Variants in PEX7 observed in about 807,000 individuals in gnomAD.
The protein encoded by PEX7 is PTS2 receptor.
In PEX7, 34 loss-of-function variants were observed where a neutral mutation model predicts 47.5. The observed-to-expected ratio is 0.72, with a 90% CI of 0.54 to 0.95. PEX7 has a LOEUF of 0.95. Among genes scored for constraint, PEX7 ranks in the 40% least tolerant of loss-of-function variants. PEX7 has a pLI of 0.00. For missense variants in PEX7, 394 were observed against 400.3 expected (o/e 0.98, Z 0.13); for synonymous variants, 141 against 148.8 (o/e 0.95, Z 0.38).
chr6:136,868,995 A>C (rs184094888), intron 6 of PEX7, among the ~76,000 whole-genome samples: 45 of 152,324 alleles, frequency 3.0e-4, no homozygotes, highest in Middle Eastern at 3.4e-3. Flanking sequence ...ACATGGAAAA[A>C]TTTAATTCAT....
At chr6:136,827,047 A>C (rs888702654) in intron 3 of PEX7, among the ~76,000 whole-genome samples, 3 of 152,214 alleles carry the variant, frequency 2.0e-5, no homozygotes, top group Non-Finnish European at 2.9e-5. Context: ...GAACATAAAG[A>C]CATCCTCTTT....
intron 5 of PEX7, among the ~76,000 whole-genome samples, chr6:136,862,264 G>C (rs1774981024): frequency 6.9e-6 from 1 of 144,274 alleles, no homozygotes; most frequent in Non-Finnish European, 1.5e-5. Flanking sequence ...TTTTAGTAGA[G>C]ACAGGGTTTT....
At chr6:136,831,689 C>G (rs958894275) in intron 3 of PEX7, among the ~76,000 whole-genome samples, 4 of 152,236 alleles carry the variant, frequency 2.6e-5, no homozygotes, top group Non-Finnish European at 5.9e-5. Context: ...CTAAATGTTT[C>G]AAATGGGAGA....
intron 9 of PEX7, among the ~76,000 whole-genome samples, chr6:136,905,754 A>G (rs1450416713): frequency 3.3e-5 from 5 of 152,162 alleles, no homozygotes; most frequent in Non-Finnish European, 1.5e-5. Context: ...ATTCTATGCT[A>G]GTGATACTTG....
At chr6:136,902,826 A>G (rs563154107) in intron 9 of PEX7, among the ~76,000 whole-genome samples, 1 of 152,270 alleles carries the variant, frequency 6.6e-6, no homozygotes, top group South Asian at 2.1e-4. Context: ...AGCTGGATAC[A>G]AGTTTACATA....
At chr6:136,838,598 G>A (rs765277620) in intron 3 of PEX7, among the ~76,000 whole-genome samples, 3 of 152,222 alleles carry the variant, frequency 2.0e-5, no homozygotes, top group Non-Finnish European at 4.4e-5. Flanking sequence ...TAAGGACTGA[G>A]TGTTAAATGA....
At chr6:136,849,276 A>G (rs1277225279) in intron 5 of PEX7, among the ~76,000 whole-genome samples, 1 of 151,730 alleles carries the variant, frequency 6.6e-6, no homozygotes, top group African/African-American at 2.4e-5. Flanking sequence ...TGGTCTATCA[A>G]TTTTGTTGAT....
chr6:136,879,164 T>G (rs948428819), intron 8 of PEX7, among the ~76,000 whole-genome samples: 9 of 152,150 alleles, frequency 5.9e-5, no homozygotes, highest in Admixed American at 5.9e-4. Flanking sequence ...ATGATATATT[T>G]TTACTTAGTT....
rs536729897 is a variant in PEX7, at chr6:136,905,131, T to C, written c.903+6890T>C. On this transcript the variant is annotated intron_variant, in intron 9 of 9. Transcript: ENST00000318471. ...TGGACGTTTGACCTTATGTTCTACT[T>C]ACTGTTAGAAGAGAGTTCCCAGGAA... Among the ~76,000 whole-genome samples, 45 of 152,340 alleles carry C rather than the reference T, an allele frequency of 3.0e-4. No individual in the cohort carries two copies. In the South Asian group the frequency reaches 9.3e-3, roughly 32 times the overall value.
intron 3 of PEX7, among the ~76,000 whole-genome samples, chr6:136,838,458 G>A (rs1470503756): frequency 3.3e-5 from 5 of 152,186 alleles, no homozygotes; most frequent in Admixed American, 6.5e-5. Context: ...GTCAGGAGGA[G>A]GACTGTCCTA....
chr6:136,887,039 C>A (rs935617476), intron 8 of PEX7, among the ~76,000 whole-genome samples: 1 of 151,458 alleles, frequency 6.6e-6, no homozygotes, highest in African/African-American at 2.4e-5. Context: ...AGAGTGAGAC[C>A]CTGTCTTGAA....
intron 3 of PEX7, among the ~76,000 whole-genome samples, chr6:136,841,194 T>TTCACA (rs1200405559): frequency 6.6e-6 from 1 of 152,170 alleles, no homozygotes; most frequent in Non-Finnish European, 1.5e-5. Flanking sequence ...TTTCAGCTGT[T>TTCACA]TCTCAAACAT....
chr6:136,823,584 C>A (rs542717904), intron 1 of PEX7, among the ~76,000 whole-genome samples: 2 of 151,988 alleles, frequency 1.3e-5, no homozygotes, highest in South Asian at 4.2e-4. Context: ...AGACTGAGAC[C>A]CCGTCTTAAA....
chr6:136,911,136 C>T (rs1775926388), intron 9 of PEX7, among the ~76,000 whole-genome samples: 1 of 152,122 alleles, frequency 6.6e-6, no homozygotes, highest in Non-Finnish European at 1.5e-5. Flanking sequence ...TTTCCAATCT[C>T]CCCTATCCCC....
At chr6:136,892,723 G>A (rs1384672549) in intron 8 of PEX7, among the ~76,000 whole-genome samples, 1 of 152,138 alleles carries the variant, frequency 6.6e-6, no homozygotes, top group Non-Finnish European at 1.5e-5. Flanking sequence ...GGATAGATTT[G>A]TATTAAGAAA....
intron 3 of PEX7, among the ~76,000 whole-genome samples, chr6:136,839,166 CAG>C (rs1201067613): frequency 2.0e-5 from 3 of 152,046 alleles, no homozygotes; most frequent in African/African-American, 7.2e-5. Context: ...GCCTGGGTAA[CAG>C]AGTGAGATCC....
At chr6:136,854,836 C>T (rs1435353392) in intron 5 of PEX7, among the ~76,000 whole-genome samples, 1 of 152,134 alleles carries the variant, frequency 6.6e-6, no homozygotes, top group African/African-American at 2.4e-5. Context: ...TCTGTAATCC[C>T]AGCACTTTGG....
chr6:136,827,238 G>T lies in PEX7; in HGVS notation c.339+769G>T, dbSNP rs114023957. 7.7e-3 allele frequency among the ~76,000 whole-genome samples: 1,177 copies of T among 152,276 alleles called. 10 individuals carry two copies. The highest frequency in any genetic ancestry group is 0.025 in the African/African-American group (1,020 of 41,554). ...CTTTTGTGGTAAAGATTAGTTATGT[G>T]AGGGGTCCAGATGTTTTATAGCTGT... On this transcript the variant is annotated intron_variant, in intron 3 of 9. Transcript: ENST00000318471.
chr6:136,895,468 G>A (rs1371450799), intron 8 of PEX7, among the ~76,000 whole-genome samples: 1 of 152,154 alleles, frequency 6.6e-6, no homozygotes, highest in African/African-American at 2.4e-5. Flanking sequence ...GAAGAAATCT[G>A]AAGCTTAGGT....
Sources: gnomAD v4.1 joint callset for allele counts (sites outside exome capture counted in the v4.1 genomes callset) on GRCh38, gnomAD v4.1.1 for gene constraint, MANE v1.5 for transcripts, NCBI Gene and HGNC (gene_info 2026-07-23, HGNC 2026-07-21) for gene names.